Variants in ERBB4 observed in about 807,000 individuals in gnomAD.
ERBB4 encodes receptor tyrosine-protein kinase erbB-4.
In ERBB4, 42 loss-of-function variants were observed where a neutral mutation model predicts 158.0. That is an observed-to-expected ratio of 0.27 (90% CI 0.21 to 0.34). The LOEUF is 0.34. ERBB4 is among the 10% of genes least tolerant of loss of function. The pLI is 1.00. For missense variants in ERBB4, 1,333 were observed against 1,624.1 expected (o/e 0.82, Z 3.08); for synonymous variants, 583 against 558.7 (o/e 1.04, Z -0.61).
intron 1 of ERBB4, among the ~76,000 whole-genome samples, chr2:212,163,145 T>G (rs1193114397): frequency 6.6e-6 from 1 of 151,980 alleles, no homozygotes; most frequent in Non-Finnish European, 1.5e-5. Flanking sequence ...CTTTGTACCT[T>G]CCTGTCCATC....
intron 1 of ERBB4, among the ~76,000 whole-genome samples, chr2:212,423,018 T>C (rs56041970): frequency 0.072 from 10,892 of 152,200 alleles, 450 homozygotes; most frequent in Non-Finnish European, 0.092. Context: ...AATTCTATAT[T>C]CCATATTTTT....
intron 25 of ERBB4, among the ~76,000 whole-genome samples, chr2:211,391,199 C>G (rs927021734): frequency 2.0e-5 from 3 of 152,134 alleles, no homozygotes; most frequent in Non-Finnish European, 4.4e-5. Flanking sequence ...CTCTCTCCCT[C>G]AATTCCCCAC....
intron 4 of ERBB4, among the ~76,000 whole-genome samples, chr2:211,770,508 T>A (rs1247104256): frequency 6.6e-6 from 1 of 152,200 alleles, no homozygotes; most frequent in Non-Finnish European, 1.5e-5. Flanking sequence ...CTCATATCAG[T>A]GACATTCAGT....
chr2:212,042,184 G>A (rs892276170), intron 2 of ERBB4, among the ~76,000 whole-genome samples: 2 of 151,904 alleles, frequency 1.3e-5, no homozygotes, highest in African/African-American at 2.4e-5. Context: ...GAAATAAATC[G>A]GCATTATAGG....
chr2:211,729,042 C>T (rs1186968593), intron 5 of ERBB4, among the ~76,000 whole-genome samples: 4 of 151,558 alleles, frequency 2.6e-5, no homozygotes, highest in African/African-American at 4.8e-5. Context: ...ATCTTAGATT[C>T]AATAGCAATT....
intron 3 of ERBB4, among the ~76,000 whole-genome samples, chr2:211,801,480 C>G (rs138370474): frequency 6.6e-6 from 1 of 151,934 alleles, no homozygotes; most frequent in African/African-American, 2.4e-5. Flanking sequence ...AAAAAGGAAG[C>G]TGATTTTATT....
intron 25 of ERBB4, among the ~76,000 whole-genome samples, chr2:211,394,242 A>G (rs1206912684): frequency 1.3e-5 from 2 of 152,144 alleles, no homozygotes; most frequent in African/African-American, 2.4e-5. Flanking sequence ...AAGAAATACA[A>G]TTTTCCACTA....
At chr2:211,654,798 T>C (rs144299404) in intron 16 of ERBB4, among the ~76,000 whole-genome samples, 1 of 152,158 alleles carries the variant, frequency 6.6e-6, no homozygotes, top group Non-Finnish European at 1.5e-5. Flanking sequence ...TTTACCTATA[T>C]TGTGGGCTAC....
chr2:211,485,428 C>A (rs2065179399), intron 20 of ERBB4, among the ~76,000 whole-genome samples: 1 of 152,024 alleles, frequency 6.6e-6, no homozygotes, highest in South Asian at 2.1e-4. Context: ...TAACAATTCA[C>A]CCTATCTGGA....
chr2:212,149,208 A>G (rs2080787170), intron 1 of ERBB4, among the ~76,000 whole-genome samples: 2 of 152,144 alleles, frequency 1.3e-5, no homozygotes, highest in South Asian at 4.1e-4. Flanking sequence ...CTAAATTCAC[A>G]TACATGAGAT....
At chr2:211,730,717 G>C (rs951730268) in intron 5 of ERBB4, among the ~76,000 whole-genome samples, 8 of 152,010 alleles carry the variant, frequency 5.3e-5, no homozygotes, top group Non-Finnish European at 1.2e-4. Context: ...ATATTGAGTA[G>C]CAGAATATAG....
intron 2 of ERBB4, among the ~76,000 whole-genome samples, chr2:212,074,288 T>C (rs1304593550): frequency 2.0e-5 from 3 of 152,006 alleles, no homozygotes; most frequent in Non-Finnish European, 4.4e-5. Context: ...AAATAATGTG[T>C]CAAAATAAGA....
chr2:211,949,097 G>A (rs772809193), intron 2 of ERBB4, among the ~76,000 whole-genome samples: 3 of 151,922 alleles, frequency 2.0e-5, no homozygotes, highest in South Asian at 2.1e-4. Context: ...TTTGTTCTAC[G>A]TTCAGAATGA....
intron 1 of ERBB4, among the ~76,000 whole-genome samples, chr2:212,355,813 TGTGA>T (rs747358804): frequency 7.2e-5 from 11 of 152,002 alleles, no homozygotes; most frequent in South Asian, 4.1e-4. Flanking sequence ...TGTGTGTATG[TGTGA>T]GTGTGTATAT....
At chr2:211,740,044 T>C (rs926370882) in intron 5 of ERBB4, among the ~76,000 whole-genome samples, 1 of 152,186 alleles carries the variant, frequency 6.6e-6, no homozygotes, top group African/African-American at 2.4e-5. Context: ...TCCTCTCTGT[T>C]TTCTAGTCAA....
intron 2 of ERBB4, among the ~76,000 whole-genome samples, chr2:212,088,176 C>A (rs900723466): frequency 6.6e-6 from 1 of 152,026 alleles, no homozygotes; most frequent in African/African-American, 2.4e-5. Flanking sequence ...TGTAACAACA[C>A]TATATATAAA....
intron 3 of ERBB4, among the ~76,000 whole-genome samples, chr2:211,836,387 A>C (rs1045719541): frequency 6.6e-6 from 1 of 152,098 alleles, no homozygotes; most frequent in Non-Finnish European, 1.5e-5. Context: ...CCTCCCATGA[A>C]GGGTTACACA....
intron 1 of ERBB4, among the ~76,000 whole-genome samples, chr2:212,520,502 T>C (rs1001711856): frequency 2.0e-5 from 3 of 151,994 alleles, no homozygotes; most frequent in Non-Finnish European, 4.4e-5. Context: ...GGAAATCTAA[T>C]CACACATCCC....
chr2:212,310,919 C>G (rs1436095965), intron 1 of ERBB4, among the ~76,000 whole-genome samples: 1 of 150,416 alleles, frequency 6.6e-6, no homozygotes, highest in Non-Finnish European at 1.5e-5. Flanking sequence ...ATAAAATTAT[C>G]AATGAGCTAT....
Sources: allele counts gnomAD v4.1 joint callset (sites outside exome capture counted in the v4.1 genomes callset), GRCh38; gene constraint gnomAD v4.1.1; transcripts MANE v1.5; gene names NCBI Gene and HGNC (gene_info 2026-07-23, HGNC 2026-07-21).